GANC: variants seen among roughly 807,000 people sequenced by gnomAD.
GANC encodes glucosidase alpha, neutral C, also known as neutral alpha-glucosidase C.
Under a neutral mutation model 124.2 loss-of-function variants are expected in GANC, and 117 were observed. The observed-to-expected ratio is 0.94, with a 90% CI of 0.81 to 1.10. The LOEUF is 1.10. GANC is among the 50% of genes least tolerant of loss of function. The pLI is 0.00. For missense variants in GANC, 1,140 were observed against 1,095.0 expected (o/e 1.04, Z -0.58); for synonymous variants, 377 against 376.8 (o/e 1.00, Z -0.01).
At chr15:42,322,381 A>G (rs2052167334) in intron 11 of GANC, among the ~76,000 whole-genome samples, 2 of 152,222 alleles carry the variant, frequency 1.3e-5, no homozygotes, top group Non-Finnish European at 2.9e-5. Flanking sequence ...TATTACTCAT[A>G]TAATGAGGCT....
In GANC at chr15:42,338,414, A is replaced by G. The variant is rs1217707173; in HGVS notation, c.1767A>G (p.Thr589=). 1.5e-5 allele frequency: 25 copies of G among 1,614,038 alleles called. No individual in the cohort carries two copies. The East Asian group carries it at 5.6e-4, about 36-fold the overall frequency. ...KYGAVWTGDN[T]AEWSNLKISI... is the part of the protein sequence containing the mutation. ...GTGCCGTGTGGACAGGCGACAACAC[A>G]GCAGAATGGAGCAACTTGAAAATTT... Residue 589 remains threonine, a synonymous_variant, in exon 16 of 24, where the codon ACA becomes ACG. Coordinates refer to ENST00000318010, the MANE Select transcript of GANC (RefSeq NM_198141.3).
chr15:42,326,971 C>T (rs1229566816), intron 12 of GANC, among the ~76,000 whole-genome samples: 2 of 152,176 alleles, frequency 1.3e-5, no homozygotes, highest in African/African-American at 4.8e-5. Context: ...ATCATAAATC[C>T]ATGCACTGTA....
intron 15 of GANC, among the ~76,000 whole-genome samples, chr15:42,332,050 G>A (rs1037830352): frequency 6.6e-6 from 1 of 151,972 alleles, no homozygotes; most frequent in South Asian, 2.1e-4. Context: ...CTTTATACTA[G>A]GAACGTTTAA....
intron 1 of GANC, 89 bp downstream of exon 1, chr15:42,274,599 T>A: frequency 7.9e-7 from 1 of 1,262,664 alleles, no homozygotes; most frequent in Non-Finnish European, 1.1e-6. Flanking sequence ...TTTGCGTATT[T>A]GGTATTTGCT....
At chr15:42,339,454 G>C (rs572220019) in intron 16 of GANC, among the ~76,000 whole-genome samples, 7 of 151,920 alleles carry the variant, frequency 4.6e-5, no homozygotes, top group Admixed American at 2.6e-4. Flanking sequence ...CTGACCTTTC[G>C]ACAAGAAAGT....
intron 22 of GANC, 55 bp downstream of exon 22, chr15:42,349,550 C>G: frequency 2.0e-6 from 2 of 1,008,992 alleles, no homozygotes; most frequent in Non-Finnish European, 3.1e-6. Context: ...ACTATCCGTT[C>G]AGCATCCTCA....
At chr15:42,283,628 A>T (rs1401859193) in intron 3 of GANC, 1 of 702,320 alleles carries the variant, frequency 1.4e-6, no homozygotes, top group Non-Finnish European at 2.6e-6. Flanking sequence ...GCAAGGTTTC[A>T]CCAGAGACAA....
At chr15:42,280,738 C>T (rs150801626) in intron 3 of GANC, among the ~76,000 whole-genome samples, 286 of 152,268 alleles carry the variant, frequency 1.9e-3, no homozygotes, top group African/African-American at 6.5e-3. Flanking sequence ...GTCATGAAGA[C>T]GTGCTGAGGT....
intron 1 of GANC, 95 bp downstream of exon 1, chr15:42,274,605 T>G: frequency 8.3e-7 from 1 of 1,205,922 alleles, no homozygotes; most frequent in Non-Finnish European, 1.2e-6. Context: ...TATTTGGTAT[T>G]TGCTGACCTT....
At chr15:42,309,393 C>T (rs1236990632) in intron 8 of GANC, among the ~76,000 whole-genome samples, 1 of 151,598 alleles carries the variant, frequency 6.6e-6, no homozygotes, top group Non-Finnish European at 1.5e-5. Flanking sequence ...GATCTCGGCT[C>T]ACTGCAACCT....
intron 8 of GANC, among the ~76,000 whole-genome samples, chr15:42,308,792 C>A (rs2052023096): frequency 6.6e-6 from 1 of 152,088 alleles, no homozygotes; most frequent in Non-Finnish European, 1.5e-5. Context: ...GCCGGTTTTC[C>A]AGTTTTATTT....
chr15:42,343,390 C>T (rs1294831819), intron 19 of GANC: 1 of 497,270 alleles, frequency 2.0e-6, no homozygotes, highest in East Asian at 3.6e-5. Context: ...GATTTTTAGT[C>T]TTCACACTTT....
chr15:42,293,596 G>A (rs2051864579), intron 5 of GANC, among the ~76,000 whole-genome samples: 1 of 150,622 alleles, frequency 6.6e-6, no homozygotes, highest in Non-Finnish European at 1.5e-5. Flanking sequence ...GTTCATCATA[G>A]GCAGATTAGA....
Position 42,352,820 on chromosome 15 carries a change from A to G in GANC, c.*681A>G, listed in dbSNP as rs146960924. Reference sequence around the variant, plus strand: ...TTACTAACCAAATAATATTTATAACATGAGTAAGCTATAATTAATAACAAT... The same window carrying G: ...TTACTAACCAAATAATATTTATAACGTGAGTAAGCTATAATTAATAACAAT... On this transcript the variant is annotated 3_prime_UTR_variant, in exon 24 of 24. Transcript: ENST00000318010. The G allele has an allele frequency of 1.0e-4, 69 of 685,628 alleles. No individual in the cohort carries two copies. In the African/African-American group the frequency reaches 1.3e-3, roughly 13 times the overall value. 42.5% of individuals were successfully genotyped at this position (685,628 alleles called of 1,614,324 possible).
intron 8 of GANC, among the ~76,000 whole-genome samples, chr15:42,309,308 G>A (rs894557424): frequency 4.0e-5 from 6 of 151,804 alleles, no homozygotes; most frequent in Non-Finnish European, 5.9e-5. Context: ...CACTGTGGAA[G>A]CCTGTTGGAC....
chr15:42,323,378 A>G (rs1166796267), intron 11 of GANC, among the ~76,000 whole-genome samples: 1 of 152,254 alleles, frequency 6.6e-6, no homozygotes, highest in Non-Finnish European at 1.5e-5. Flanking sequence ...ACTACAATAC[A>G]GGAAAGTAAC....
chr15:42,330,858 A>T (rs1445715631), intron 15 of GANC, among the ~76,000 whole-genome samples, 186 bp downstream of exon 15: 1 of 139,112 alleles, frequency 7.2e-6, no homozygotes, highest in Non-Finnish European at 1.5e-5. Flanking sequence ...CACAGTCATG[A>T]CTCACTGCAG....
At chr15:42,283,708 T>C (rs1199690478) in intron 3 of GANC, 1 of 702,612 alleles carries the variant, frequency 1.4e-6, no homozygotes, top group South Asian at 1.5e-5. Context: ...CCCTTGCCTC[T>C]TCATCTAAGC....
chr15:42,330,773 T>A, intron 15 of GANC, 101 bp downstream of exon 15: 4 of 50,152 alleles, frequency 8.0e-5, no homozygotes, highest in East Asian at 4.2e-4. Context: ...CCTTTTCCTT[T>A]TTTTTTTTTT....
Sources: allele counts gnomAD v4.1 joint callset (sites outside exome capture counted in the v4.1 genomes callset), GRCh38; gene constraint gnomAD v4.1.1; transcripts MANE v1.5; gene names NCBI Gene and HGNC (gene_info 2026-07-23, HGNC 2026-07-21).